Variants in GTF2IRD1 observed in about 807,000 individuals in gnomAD.
The protein encoded by GTF2IRD1 is general transcription factor II-I repeat domain-containing protein 1.
A neutral mutation model predicts 113.2 loss-of-function variants in GTF2IRD1; 26 were observed. The ratio of observed to expected loss-of-function variants is 0.23; its 90% CI spans 0.17 to 0.32. The LOEUF (loss-of-function observed/expected upper bound fraction) is 0.32. Among genes scored for constraint, GTF2IRD1 ranks in the 10% least tolerant of loss-of-function variants. The probability of loss-of-function intolerance (pLI) is 1.00; values close to 1 mark genes in which losing one functional copy is unlikely to be tolerated. For missense variants in GTF2IRD1, 864 were observed against 1,280.8 expected (o/e 0.67, Z 4.97); for synonymous variants, 484 against 529.1 (o/e 0.91, Z 1.17).
chr7:74,504,805 TC>T (rs1554340577), intron 1 of GTF2IRD1, among the ~76,000 whole-genome samples: 1 of 150,520 alleles, frequency 6.6e-6, no homozygotes, highest in Non-Finnish European at 1.5e-5. Context: ...CCGCCGGGGT[TC>T]CAGCGATTCT....
Position 74,519,508 on chromosome 7 carries a change from G to C in GTF2IRD1, c.705G>C (p.Gln235His). Residue 235 changes from glutamine to histidine, a missense_variant, in exon 6 of 27, where the codon CAG (glutamine) becomes CAC (histidine). Physicochemically the swap from Gln to His is conservative, Grantham distance 24. Coordinates refer to ENST00000424337, the MANE Select transcript of GTF2IRD1 (RefSeq NM_005685.4). ...KGSRDCGLHGQAPKVPPQDLP... is the reference protein window; with the variant it reads ...KGSRDCGLHGHAPKVPPQDLP... ...CACGGGACTGTGGCCTGCATGGCCAGGCCCCCAAGGTGCCACCCCAGGACC... is the reference window on the plus strand; with the variant it reads ...CACGGGACTGTGGCCTGCATGGCCACGCCCCCAAGGTGCCACCCCAGGACC... 1 of 1,610,466 alleles carries C rather than the reference G, an allele frequency of 6.2e-7. No individual in the cohort carries two copies. The highest frequency in any genetic ancestry group is 1.1e-5 in the South Asian group (1 of 90,660).
At chr7:74,536,367 C>CCACCA in intron 11 of GTF2IRD1, 92 bp downstream of exon 11, 1 of 684,700 alleles carries the variant, frequency 1.5e-6, no homozygotes, top group South Asian at 1.7e-5. Context: ...AGGGCGGCTC[C>CCACCA]CACCACACCA....
rs1554368869 is a variant in GTF2IRD1, at chr7:74,589,832, C to G, written c.2321-19C>G. On this transcript the variant is annotated intron_variant, in intron 22 of 26. Coordinates refer to ENST00000424337, the MANE Select transcript of GTF2IRD1 (RefSeq NM_005685.4). ...TAAGCTGGTGCCAACTCTCATGCCC[C>G]CTTGTCTTCCTCTTGTAGATGAAGA... 6.4e-7 allele frequency: 1 copy of G among 1,560,594 alleles called. No homozygotes were observed. Among genetic ancestry groups the G allele is most frequent in the South Asian group, 1.1e-5 (1 of 89,898 alleles).
chr7:74,530,569 A>G (rs1797904156), intron 9 of GTF2IRD1, among the ~76,000 whole-genome samples: 1 of 98,232 alleles, frequency 1.0e-5, no homozygotes, highest in Non-Finnish European at 1.9e-5. Context: ...TGAGTGTCAG[A>G]GCAAGGCCCT....
intron 25 of GTF2IRD1, among the ~76,000 whole-genome samples, chr7:74,597,211 T>G (rs1802471486): frequency 6.6e-6 from 1 of 151,878 alleles, no homozygotes; most frequent in Non-Finnish European, 1.5e-5. Flanking sequence ...CCCAGCTATT[T>G]TTTTGTATTT....
intron 17 of GTF2IRD1, among the ~76,000 whole-genome samples, chr7:74,553,524 A>G (rs1799426906): frequency 6.6e-6 from 1 of 151,980 alleles, no homozygotes; most frequent in African/African-American, 2.4e-5. Context: ...CTGGGCTCAA[A>G]GCGATGCCCC....
chr7:74,466,683 C>T (rs1793734406), intron 1 of GTF2IRD1, among the ~76,000 whole-genome samples: 1 of 152,172 alleles, frequency 6.6e-6, no homozygotes, highest in African/African-American at 2.4e-5. Flanking sequence ...CTCTCCAGGT[C>T]ACGTTAGGTG....
intron 11 of GTF2IRD1, among the ~76,000 whole-genome samples, 189 bp downstream of exon 11, chr7:74,536,464 C>CT (rs1331824464): frequency 6.6e-6 from 1 of 152,312 alleles, no homozygotes; most frequent in East Asian, 1.9e-4. Context: ...ATAGAGAACT[C>CT]TCCCGCCCCC....
intron 1 of GTF2IRD1, among the ~76,000 whole-genome samples, chr7:74,497,917 T>G (rs782495743): frequency 5.9e-4 from 90 of 152,168 alleles, no homozygotes; most frequent in Non-Finnish European, 1.8e-4. Context: ...TTGGTCAGGC[T>G]GGTCTCGAAC....
At chr7:74,545,896 T>A in intron 16 of GTF2IRD1, 87 bp downstream of exon 16, 1 of 942,454 alleles carries the variant, frequency 1.1e-6, no homozygotes, top group Non-Finnish European at 1.7e-6. Flanking sequence ...CGCATCCCCT[T>A]GCCTGTTCCC....
intron 3 of GTF2IRD1, 73 bp downstream of exon 3, chr7:74,513,044 TC>T: frequency 1.5e-5 from 22 of 1,446,034 alleles, no homozygotes; most frequent in Non-Finnish European, 2.0e-5. Flanking sequence ...CATCTCTGGG[TC>T]CCCAACCCTG....
intron 1 of GTF2IRD1, among the ~76,000 whole-genome samples, chr7:74,485,209 TG>T (rs1368142481): frequency 6.6e-6 from 1 of 152,128 alleles, no homozygotes; most frequent in African/African-American, 2.4e-5. Context: ...GAGGCAGCAG[TG>T]GGGCTGCTGC....
At chr7:74,558,482 C>T (rs1799752864) in intron 20 of GTF2IRD1, among the ~76,000 whole-genome samples, 1 of 150,276 alleles carries the variant, frequency 6.7e-6, no homozygotes, top group South Asian at 2.1e-4. Flanking sequence ...GCCTCAGCCT[C>T]CCAAGTGGCT....
intron 22 of GTF2IRD1, among the ~76,000 whole-genome samples, chr7:74,563,799 T>C (rs1800123744): frequency 6.6e-6 from 1 of 151,928 alleles, no homozygotes; most frequent in Non-Finnish European, 1.5e-5. Flanking sequence ...AGCAGGAGGA[T>C]GGCTTGAGCC....
chr7:74,490,551 C>A lies in GTF2IRD1; in HGVS notation c.-6-17524C>A, dbSNP rs891550297. Among the ~76,000 whole-genome samples, 1,121 of 151,594 alleles carry A rather than the reference C, an allele frequency of 7.4e-3. 19 individuals are homozygous for A. The highest frequency in any genetic ancestry group is 8.3e-3 in the Non-Finnish European group (561 of 67,810). ...GCTGGGGAGAAAGGATACCCCCCCC[C>A]CCGCCCGCCTTCCAGAAGGGGAGAA... On this transcript the variant is annotated intron_variant, in intron 1 of 26. Transcript: ENST00000424337.
At chr7:74,553,057 C>T (rs1426777705) in intron 17 of GTF2IRD1, among the ~76,000 whole-genome samples, 1 of 152,080 alleles carries the variant, frequency 6.6e-6, no homozygotes, top group African/African-American at 2.4e-5. Context: ...AGGCTGGTCT[C>T]GAACTCCTAA....
chr7:74,529,546 G>A (rs587716820), intron 8 of GTF2IRD1, among the ~76,000 whole-genome samples, 188 bp from the exon 9 acceptor site: 21 of 152,164 alleles, frequency 1.4e-4, no homozygotes, highest in South Asian at 1.3e-3. Flanking sequence ...ATGAGTCACC[G>A]CACCCAGCCC....
At chr7:74,567,055 C>T (rs1428571830) in intron 22 of GTF2IRD1, among the ~76,000 whole-genome samples, 1 of 152,116 alleles carries the variant, frequency 6.6e-6, no homozygotes, top group African/African-American at 2.4e-5. Context: ...GAGGGCCAGG[C>T]GCAGTGGCTC....
chr7:74,598,453 CAA>C (rs879955129), intron 25 of GTF2IRD1, among the ~76,000 whole-genome samples: 1 of 138,190 alleles, frequency 7.2e-6, no homozygotes, highest in Non-Finnish European at 1.6e-5. Flanking sequence ...TACTAAAATC[CAA>C]AAAAAAAAAA....
Sources: allele counts gnomAD v4.1 joint callset (sites outside exome capture counted in the v4.1 genomes callset), GRCh38; gene constraint gnomAD v4.1.1; transcripts MANE v1.5; gene names NCBI Gene and HGNC (gene_info 2026-07-23, HGNC 2026-07-21).